The following CCDC30 variants were observed in gnomAD, a reference collection of about 807,000 sequenced individuals.
The protein encoded by CCDC30 is coiled-coil domain-containing protein 30.
A neutral mutation model predicts 100.2 loss-of-function variants in CCDC30; 70 were observed. That is an observed-to-expected ratio of 0.70 (90% CI 0.58 to 0.85). The LOEUF (loss-of-function observed/expected upper bound fraction) is 0.85. CCDC30 is among the 40% of genes least tolerant of loss of function. The pLI, the probability that CCDC30 is intolerant of heterozygous loss-of-function variation, is 0.00. For missense variants in CCDC30, 652 were observed against 771.2 expected (o/e 0.85, Z 1.83); for synonymous variants, 233 against 269.5 (o/e 0.86, Z 1.33).
At chr1:42,566,150 G>A (rs1645601305) in intron 6 of CCDC30, 146 bp from the exon 11 acceptor site, 3 of 600,198 alleles carry the variant, frequency 5.0e-6, no homozygotes, top group South Asian at 2.3e-5. Context: ...ATGTAAAAGA[G>A]TAGTTTGCTG....
intron 6 of CCDC30, 108 bp from the exon 8 acceptor site, chr1:42,539,064 CA>C: frequency 2.2e-6 from 2 of 889,410 alleles, no homozygotes; most frequent in South Asian, 7.1e-5. Context: ...ATATTTAAAA[CA>C]AAAAATTTGT....
chr1:42,484,370 G>T (rs74595036), intron 3 of CCDC30, among the ~76,000 whole-genome samples: 1 of 152,250 alleles, frequency 6.6e-6, no homozygotes, highest in African/African-American at 2.4e-5. Context: ...ACATGAACAC[G>T]ATGAGAAGCA....
intron 6 of CCDC30, among the ~76,000 whole-genome samples, chr1:42,542,374 CT>C (rs1362827934): frequency 4.0e-5 from 6 of 150,812 alleles, no homozygotes; most frequent in South Asian, 2.1e-4. Flanking sequence ...CTGTTTTATC[CT>C]TTTTTTTTCT....
At chr1:42,531,274 G>GC (rs1204664961) in intron 6 of CCDC30, among the ~76,000 whole-genome samples, 1 of 152,108 alleles carries the variant, frequency 6.6e-6, no homozygotes, top group Non-Finnish European at 1.5e-5. Flanking sequence ...GCTTCCTGAG[G>GC]CCTCCCCAGC....
intron 10 of CCDC30, among the ~76,000 whole-genome samples, chr1:42,606,647 C>A (rs1646507150): frequency 6.6e-6 from 1 of 152,194 alleles, no homozygotes; most frequent in African/African-American, 2.4e-5. Flanking sequence ...AAAAAGAAAT[C>A]TCTCGTGGGT....
chr1:42,613,271 T>C lies in CCDC30; in HGVS notation c.1277+2181T>C, dbSNP rs1646659518. The stretch of plus-strand genomic sequence containing the variant: ...TTTTATTTTATTTTATTTTAGTTTT[T>C]TGAGGCGGAAACTCGCTCTGTCGCC... On this transcript the variant is annotated intron_variant, in intron 11 of 16. Coordinates refer to ENST00000668663, the Ensembl canonical transcript of CCDC30. Among the ~76,000 whole-genome samples the C allele has an allele frequency of 1.3e-5, 2 of 152,140 alleles. 1 individual carries two copies. Among genetic ancestry groups the C allele is most frequent in the African/African-American group, 4.8e-5 (2 of 41,428 alleles).
At chr1:42,545,060 T>A (rs1421882627) in intron 6 of CCDC30, among the ~76,000 whole-genome samples, 2 of 149,842 alleles carry the variant, frequency 1.3e-5, no homozygotes, top group East Asian at 3.9e-4. Flanking sequence ...TGTGTGGTGA[T>A]CATGTAAAAC....
At chr1:42,588,732 C>G (rs188654117) in intron 9 of CCDC30, among the ~76,000 whole-genome samples, 1 of 152,062 alleles carries the variant, frequency 6.6e-6, no homozygotes, top group African/African-American at 2.4e-5. Flanking sequence ...CCAGTCTTCA[C>G]GCAGATAAGA....
At chr1:42,576,876 A>G (rs1259481692) in intron 7 of CCDC30, 144 bp from the exon 12 acceptor site, 4 of 621,606 alleles carry the variant, frequency 6.4e-6, no homozygotes, top group East Asian at 2.8e-5. Flanking sequence ...AAACTCTTAC[A>G]TGGCAGCTCT....
intron 4 of CCDC30, among the ~76,000 whole-genome samples, chr1:42,493,646 A>G: frequency 6.6e-6 from 1 of 152,170 alleles, no homozygotes; most frequent in East Asian, 1.9e-4. Flanking sequence ...AATCAGTGGA[A>G]CCAAGAGCTG....
chr1:42,636,703 C>G lies in CCDC30; in HGVS notation c.1278-534C>G, dbSNP rs117168292. Among the ~76,000 whole-genome samples the G allele has an allele frequency of 1.1e-3, 174 of 151,698 alleles. 3 individuals are homozygous for G. The East Asian group carries it at 0.033, about 28-fold the overall frequency. ...CCAAGGTAGTCCAAGTGCGGTAGCT[C>G]ATGCCTGTAATCCCAGCATCTTGGG... On this transcript the variant is annotated intron_variant, in intron 11 of 16. Coordinates refer to ENST00000668663, the Ensembl canonical transcript of CCDC30.
At chr1:42,626,657 G>T (rs1020119261) in intron 11 of CCDC30, among the ~76,000 whole-genome samples, 1 of 152,264 alleles carries the variant, frequency 6.6e-6, no homozygotes, top group African/African-American at 2.4e-5. Flanking sequence ...GACCCAGGGG[G>T]AGGTAATTGA....
intron 6 of CCDC30, among the ~76,000 whole-genome samples, chr1:42,514,983 G>A (rs905957597): frequency 6.6e-6 from 1 of 152,088 alleles, no homozygotes; most frequent in African/African-American, 2.4e-5. Flanking sequence ...CCTGTACCCT[G>A]AAATATATTG....
chr1:42,504,221 CAAA>C (rs1644363864), intron 6 of CCDC30, among the ~76,000 whole-genome samples: 1 of 152,174 alleles, frequency 6.6e-6, no homozygotes, highest in African/African-American at 2.4e-5. Flanking sequence ...CTGGGTGGGC[CAAA>C]ACATGAGGGC....
intron 6 of CCDC30, 34 bp downstream of exon 10, chr1:42,556,439 C>T (rs749558982): frequency 4.5e-6 from 7 of 1,542,590 alleles, no homozygotes; most frequent in East Asian, 2.3e-5. Flanking sequence ...TGACTGGGTT[C>T]GTTTCCTCTG....
intron 10 of CCDC30, chr1:42,592,670 C>G (rs112011466): frequency 6.6e-6 from 1 of 152,158 alleles, no homozygotes; most frequent in African/African-American, 2.4e-5. Flanking sequence ...GCTGAGATCA[C>G]GCCATTGCAC....
chr1:42,469,599 A>T (rs1374397990), intron 1 of CCDC30, among the ~76,000 whole-genome samples: 1 of 152,172 alleles, frequency 6.6e-6, no homozygotes, highest in East Asian at 1.9e-4. Context: ...GAACATACAG[A>T]AAAGAAAATG....
At chr1:42,497,237 AC>A in intron 5 of CCDC30, 24 bp downstream of exon 5, 1 of 1,172,952 alleles carries the variant, frequency 8.5e-7, no homozygotes, top group Non-Finnish European at 1.1e-6. Context: ...ACTTCTTAGA[AC>A]GTATTTAAAT....
chr1:42,577,419 A>G (rs1389323261), intron 8 of CCDC30, among the ~76,000 whole-genome samples, 190 bp downstream of exon 12: 1 of 152,108 alleles, frequency 6.6e-6, no homozygotes, highest in Non-Finnish European at 1.5e-5. Flanking sequence ...TGTATTTGTA[A>G]AAACTTCATG....
Sources: allele counts gnomAD v4.1 joint callset (sites outside exome capture counted in the v4.1 genomes callset), GRCh38; gene constraint gnomAD v4.1.1; transcripts MANE v1.5; gene names NCBI Gene and HGNC (gene_info 2026-07-23, HGNC 2026-07-21).